The following CFDP1 variants were observed in gnomAD, a reference collection of about 807,000 sequenced individuals.
CFDP1 encodes chromatin remodeling protein CFDP1.
Under a neutral mutation model 40.1 loss-of-function variants are expected in CFDP1, and 31 were observed. The observed-to-expected ratio is 0.77, with a 90% confidence interval of 0.58 to 1.04. The LOEUF is 1.04. CFDP1 is among the 50% of genes least tolerant of loss of function. The pLI is 0.00. For missense variants in CFDP1, 423 were observed against 343.4 expected, an observed-to-expected ratio of 1.23 and a Z score of -1.83; for synonymous variants, 167 against 120.0, an observed-to-expected ratio of 1.39 and a Z score of -2.56.
chr16:75,337,599 G>A (rs1166364193), intron 5 of CFDP1, among the ~76,000 whole-genome samples: 1 of 152,184 alleles, frequency 6.6e-6, no homozygotes, highest in Non-Finnish European at 1.5e-5. Context: ...AGAAAGCATG[G>A]CTGGGAAGGC....
chr16:75,303,502 G>T (rs2078237099), intron 6 of CFDP1, among the ~76,000 whole-genome samples: 2 of 56,846 alleles, frequency 3.5e-5, no homozygotes, highest in Admixed American at 2.3e-4. Flanking sequence ...TTAGAAATAT[G>T]ACCCCCCCCA....
intron 4 of CFDP1, among the ~76,000 whole-genome samples, chr16:75,405,749 C>CA (rs35698522): frequency 0.54 from 54,490 of 100,144 alleles, 14,630 homozygotes; most frequent in Admixed American, 0.64. Context: ...GACTCCATCT[C>CA]AAAAAAAAAA....
Position 75,385,384 on chromosome 16 carries a change from G to A in CFDP1, c.650+9706C>T, listed in dbSNP as rs533090994. Among the ~76,000 whole-genome samples the A allele has an allele frequency of 5.3e-5, 8 of 152,044 alleles. No homozygotes were observed. The East Asian group carries it at 1.2e-3, about 22-fold the overall frequency. On this transcript the variant is annotated intron_variant, in intron 5 of 6. Coordinates refer to ENST00000283882, the MANE Select transcript of CFDP1 (RefSeq NM_006324.3). ...AAGGAACTTTCACTGCCTTCTCTCCGAAAAAAATTTAAGTGGTGGGACTAC... is the reference window on the plus strand; with the variant it reads ...AAGGAACTTTCACTGCCTTCTCTCCAAAAAAAATTTAAGTGGTGGGACTAC...
chr16:75,338,005 C>T (rs1275158074), intron 5 of CFDP1, among the ~76,000 whole-genome samples: 1 of 152,170 alleles, frequency 6.6e-6, no homozygotes, highest in Non-Finnish European at 1.5e-5. Context: ...TTGTCTTTCA[C>T]CCAGCTCAGC....
At chr16:75,367,707 C>A (rs958476331) in intron 5 of CFDP1, among the ~76,000 whole-genome samples, 39 of 149,076 alleles carry the variant, frequency 2.6e-4, no homozygotes, top group African/African-American at 8.9e-4. Context: ...GCAGGAGAAT[C>A]ACTTGAACCC....
rs139314035 is a variant in CFDP1 at position 75,402,186 on chromosome 16, C to G, written c.531-6977G>C. Among the ~76,000 whole-genome samples, 25 of 152,274 alleles carry G rather than the reference C, an allele frequency of 1.6e-4. No homozygotes were observed. The East Asian group carries it at 2.1e-3, about 13-fold the overall frequency. On this transcript the variant is annotated intron_variant, in intron 4 of 6. Transcript: ENST00000283882. ...ATCAAAATATCTTCAAGCAGGAGAA[C>G]AGTTAAATTATAGACCACCTCTAAC...
chr16:75,409,964 G>T (rs2079142400), intron 4 of CFDP1, among the ~76,000 whole-genome samples: 1 of 141,796 alleles, frequency 7.1e-6, no homozygotes, highest in Admixed American at 7.6e-5. Flanking sequence ...GTACATCCCT[G>T]AAGTCCCAGT....
chr16:75,312,241 C>T (rs961031143), intron 5 of CFDP1, among the ~76,000 whole-genome samples: 6 of 152,124 alleles, frequency 3.9e-5, no homozygotes, highest in African/African-American at 1.4e-4. Flanking sequence ...GTTTAACTCC[C>T]ATTCACTTCT....
At chr16:75,321,449 C>T (rs1377947832) in intron 5 of CFDP1, among the ~76,000 whole-genome samples, 1 of 152,204 alleles carries the variant, frequency 6.6e-6, no homozygotes, top group Non-Finnish European at 1.5e-5. Flanking sequence ...TTCCCCTCAC[C>T]AGCTCTTGGC....
chr16:75,389,253 G>C (rs1267134275), intron 5 of CFDP1, among the ~76,000 whole-genome samples: 2 of 152,216 alleles, frequency 1.3e-5, no homozygotes, highest in Non-Finnish European at 2.9e-5. Context: ...AAGGACTGGG[G>C]AGTGAGGGAA....
At chr16:75,322,888 G>A (rs2078374837) in intron 5 of CFDP1, among the ~76,000 whole-genome samples, 1 of 152,170 alleles carries the variant, frequency 6.6e-6, no homozygotes, top group South Asian at 2.1e-4. Context: ...ATGAATGGTG[G>A]AACCCGCAGG....
intron 5 of CFDP1, among the ~76,000 whole-genome samples, chr16:75,383,537 C>A (rs2078868097): frequency 6.6e-6 from 1 of 152,098 alleles, no homozygotes; most frequent in Non-Finnish European, 1.5e-5. Context: ...AGATACAGCC[C>A]CAGCGAGGCG....
At position 75,335,583 on chromosome 16, in the gene CFDP1, G is replaced by A. The variant is rs1249728533; in HGVS notation, c.651-30401C>T. On this transcript the variant is annotated intron_variant, in intron 5 of 6. Transcript: ENST00000283882. ...TTTTTTTTTTTTTTTTTTAGACGGA[G>A]TCTTGCTCTGTTGCCCAGGCTGGAG... 2.1e-5 allele frequency among the ~76,000 whole-genome samples: 3 copies of A among 140,436 alleles called. No individual in the cohort carries two copies. The East Asian group carries it at 6.1e-4, about 29-fold the overall frequency. 92.1% of individuals were successfully genotyped at this position (140,436 alleles called of 152,430 possible). A position where few individuals can be genotyped will look rare whatever the true frequency, so the allele number is the denominator to read the frequency against.
intron 1 of CFDP1, among the ~76,000 whole-genome samples, chr16:75,418,732 T>TAAC (rs2079239787): frequency 7.7e-6 from 1 of 130,628 alleles, no homozygotes; most frequent in Non-Finnish European, 1.6e-5. Context: ...AAAGGCTCCC[T>TAAC]AAAAAAAAAA....
At chr16:75,320,436 A>C (rs969127581) in intron 5 of CFDP1, among the ~76,000 whole-genome samples, 1 of 96,842 alleles carries the variant, frequency 1.0e-5, no homozygotes, top group Non-Finnish European at 2.3e-5. Flanking sequence ...TTTGAAGGAA[A>C]ACTAGTTAAA....
chr16:75,413,977 T>A (rs2151588071), intron 2 of CFDP1, among the ~76,000 whole-genome samples: 1 of 152,306 alleles, frequency 6.6e-6, no homozygotes, highest in Non-Finnish European at 1.5e-5. Flanking sequence ...TATTTATGTA[T>A]ACTTTGTATA....
At chr16:75,385,027 T>C (rs1363627443) in intron 5 of CFDP1, among the ~76,000 whole-genome samples, 1 of 151,546 alleles carries the variant, frequency 6.6e-6, no homozygotes, top group African/African-American at 2.4e-5. Context: ...TTATTCTTAA[T>C]TTATTTTTAA....
At chr16:75,382,506 A>C (rs1268795313) in intron 5 of CFDP1, among the ~76,000 whole-genome samples, 1 of 152,244 alleles carries the variant, frequency 6.6e-6, no homozygotes, top group Non-Finnish European at 1.5e-5. Context: ...CCAATAGGAA[A>C]GCTGGTTTCA....
At chr16:75,429,323 G>A (rs1184909630) in intron 1 of CFDP1, among the ~76,000 whole-genome samples, 2 of 152,090 alleles carry the variant, frequency 1.3e-5, no homozygotes, top group Non-Finnish European at 2.9e-5. Context: ...AATTACGCCT[G>A]AGGGGCATGG....
Sources: allele counts gnomAD v4.1 joint callset (sites outside exome capture counted in the v4.1 genomes callset), GRCh38; gene constraint gnomAD v4.1.1; transcripts MANE v1.5; gene names NCBI Gene and HGNC (gene_info 2026-07-23, HGNC 2026-07-21).